TMTC1: variants seen among roughly 807,000 people sequenced by gnomAD.
TMTC1 encodes protein O-mannosyl-transferase TMTC1.
Under a neutral mutation model 104.8 loss-of-function variants are expected in TMTC1, and 73 were observed. That is an observed-to-expected ratio of 0.70 (90% CI 0.58 to 0.85). The LOEUF (loss-of-function observed/expected upper bound fraction) is 0.85, where lower values mean the gene tolerates loss of function less well. Ranked by LOEUF, TMTC1 falls within the 40% of genes least tolerant of loss-of-function variation. The pLI, the probability that TMTC1 is intolerant of heterozygous loss-of-function variation, is 0.00. For missense variants in TMTC1, 1,035 were observed against 1,096.1 expected (o/e 0.94, Z 0.79); for synonymous variants, 434 against 428.7 (o/e 1.01, Z -0.15).
At chr12:29,689,379 A>G (rs1988266) in intron 5 of TMTC1, among the ~76,000 whole-genome samples, 32,381 of 151,758 alleles carry the variant, frequency 0.21, 3,868 homozygotes, top group East Asian at 0.3. Context: ...CAGTGGCATG[A>G]TATCAGCTCA....
At chr12:29,548,687 G>C (rs1487301033) in intron 10 of TMTC1, among the ~76,000 whole-genome samples, 1 of 151,190 alleles carries the variant, frequency 6.6e-6, no homozygotes, top group Non-Finnish European at 1.5e-5. Context: ...CCAGTCTCAG[G>C]TATGTCTTTA....
intron 5 of TMTC1, among the ~76,000 whole-genome samples, chr12:29,749,353 T>C (rs302332): frequency 0.35 from 53,669 of 151,960 alleles, 9,576 homozygotes; most frequent in African/African-American, 0.38. Flanking sequence ...TCCAACACTT[T>C]CTTATCATCC....
intron 9 of TMTC1, among the ~76,000 whole-genome samples, chr12:29,560,702 C>G (rs1385878938): frequency 6.6e-6 from 1 of 152,144 alleles, no homozygotes; most frequent in African/African-American, 2.4e-5. Flanking sequence ...ACTTTAGTTA[C>G]TGGATAAACA....
intron 5 of TMTC1, among the ~76,000 whole-genome samples, chr12:29,713,696 T>C (rs1374161040): frequency 3.3e-5 from 5 of 152,250 alleles, no homozygotes; most frequent in African/African-American, 1.2e-4. Flanking sequence ...AATTTTAACA[T>C]TAGAAATAAA....
intron 10 of TMTC1, among the ~76,000 whole-genome samples, chr12:29,546,821 TTGAAGCTGTTG>T (rs1459736429): frequency 6.6e-6 from 1 of 152,116 alleles, no homozygotes; most frequent in African/African-American, 2.4e-5. Context: ...GTTTGGAAGT[TTGAAGCTGTTG>T]TGTGCTATGA....
At chr12:29,644,686 C>T (rs1295360799) in intron 5 of TMTC1, among the ~76,000 whole-genome samples, 1 of 152,098 alleles carries the variant, frequency 6.6e-6, no homozygotes, top group African/African-American at 2.4e-5. Context: ...TGCTCCACCT[C>T]CACCCTCTGC....
chr12:29,732,559 C>T (rs35109341), intron 5 of TMTC1, among the ~76,000 whole-genome samples: 18,253 of 152,164 alleles, frequency 0.12, 1,267 homozygotes, highest in Admixed American at 0.22. Flanking sequence ...ATGTACTAGC[C>T]TGGATTTCCA....
chr12:29,551,988 AG>A (rs1945118011), intron 10 of TMTC1, among the ~76,000 whole-genome samples: 1 of 152,180 alleles, frequency 6.6e-6, no homozygotes, highest in African/African-American at 2.4e-5. Context: ...CACTCAGTGA[AG>A]TCTGCTGCTA....
At chr12:29,519,093 T>G (rs1944074951) in intron 12 of TMTC1, 2 of 152,332 alleles carry the variant, frequency 1.3e-5, no homozygotes, top group East Asian at 3.9e-4. Flanking sequence ...ACATATCAGC[T>G]CTATAGTGAA....
At chr12:29,705,405 C>A (rs1180595922) in intron 5 of TMTC1, among the ~76,000 whole-genome samples, 1 of 152,218 alleles carries the variant, frequency 6.6e-6, no homozygotes, top group African/African-American at 2.4e-5. Context: ...ATACAAATCA[C>A]TCTTTGGTAA....
chr12:29,610,326 C>T (rs879047475), intron 6 of TMTC1, among the ~76,000 whole-genome samples: 1 of 152,140 alleles, frequency 6.6e-6, no homozygotes, highest in Non-Finnish European at 1.5e-5. Context: ...CTGTTTAAGG[C>T]CACCGAGGCT....
chr12:29,660,207 T>C (rs1216646038), intron 5 of TMTC1, among the ~76,000 whole-genome samples: 2 of 152,218 alleles, frequency 1.3e-5, no homozygotes, highest in Non-Finnish European at 2.9e-5. Context: ...GTTCATTCTT[T>C]TAGAAACCAG....
intron 2 of TMTC1, among the ~76,000 whole-genome samples, chr12:29,762,615 C>T (rs1272806671): frequency 6.6e-6 from 1 of 152,224 alleles, no homozygotes; most frequent in Non-Finnish European, 1.5e-5. Context: ...TCCAGTCCTT[C>T]TTGCATTAAG....
intron 5 of TMTC1, among the ~76,000 whole-genome samples, chr12:29,684,264 T>C (rs1941020609): frequency 6.6e-6 from 1 of 152,234 alleles, no homozygotes; most frequent in African/African-American, 2.4e-5. Context: ...AGAGCAGTTT[T>C]ATTGATAATG....
intron 17 of TMTC1, 43 bp from the exon 18 acceptor site, chr12:29,507,029 C>T: frequency 6.4e-7 from 1 of 1,567,438 alleles, no homozygotes; most frequent in South Asian, 1.1e-5. Context: ...TGATCCATCA[C>T]AAAACTCTCT....
chr12:29,534,955 A>G (rs1944603265), intron 11 of TMTC1: 1 of 152,236 alleles, frequency 6.6e-6, no homozygotes, highest in Non-Finnish European at 1.5e-5. Flanking sequence ...ATATAGTAAC[A>G]TTTGGTCAGA....
intron 8 of TMTC1, among the ~76,000 whole-genome samples, chr12:29,581,860 T>C (rs1170947393): frequency 6.6e-6 from 1 of 152,138 alleles, no homozygotes; most frequent in Non-Finnish European, 1.5e-5. Context: ...TTAGTTAGCA[T>C]GAGGCAGAAG....
In TMTC1 at chr12:29,767,951, G is replaced by C. The variant is rs1447643947; in HGVS notation, c.427C>G (p.Leu143Val). The C allele has an allele frequency of 6.2e-7, 1 of 1,613,926 alleles. No homozygotes were observed. Among genetic ancestry groups the C allele is most frequent in the Non-Finnish European group, 8.5e-7 (1 of 1,179,896 alleles). Residue 143 changes from leucine (L) to valine (V), a missense_variant, in exon 2 of 18, where the codon CTT (leucine) becomes GTT (valine). By Grantham distance (32) the Leu-to-Val change is conservative. Coordinates refer to ENST00000539277, the MANE Select transcript of TMTC1 (RefSeq NM_001193451.2). ...CDKTVFKNRG[L>V]AFVTALLFAV... ...AAAAGCAATGCCGTTACAAAAGCAA[G>C]TCCACGATTCTTGAAGACAGTTTTA...
At chr12:29,748,174 G>A (rs904604182) in intron 5 of TMTC1, among the ~76,000 whole-genome samples, 3 of 152,112 alleles carry the variant, frequency 2.0e-5, no homozygotes, top group Non-Finnish European at 4.4e-5. Context: ...TGAGAATCCG[G>A]CCCAATTCCA....
Sources: allele counts gnomAD v4.1 joint callset (sites outside exome capture counted in the v4.1 genomes callset), GRCh38; gene constraint gnomAD v4.1.1; transcripts MANE v1.5; gene names NCBI Gene and HGNC (gene_info 2026-07-23, HGNC 2026-07-21).